The following UNC13C variants were observed in gnomAD, a reference collection of about 807,000 sequenced individuals.
UNC13C encodes unc-13 homolog C.
In UNC13C, 174 loss-of-function variants were observed where a neutral mutation model predicts 245.4. That is an observed-to-expected ratio of 0.71 (90% confidence interval 0.63 to 0.80). UNC13C has a LOEUF of 0.80. Among genes scored for constraint, UNC13C ranks in the 30% least tolerant of loss-of-function variants. UNC13C has a pLI of 0.00. For synonymous variants in UNC13C, 992 were observed against 895.1 expected (o/e 1.11, Z -1.93); for missense variants, 2,829 against 2,602.9 (o/e 1.09, Z -1.89).
chr15:54,418,019 A>T (rs1263801520), intron 19 of UNC13C, among the ~76,000 whole-genome samples: 1 of 151,982 alleles, frequency 6.6e-6, no homozygotes, highest in Non-Finnish European at 1.5e-5. Context: ...CGACTCCCTG[A>T]TTCAAGCCAT....
chr15:54,556,646 C>T (rs2141199515), intron 29 of UNC13C, among the ~76,000 whole-genome samples: 1 of 152,020 alleles, frequency 6.6e-6, no homozygotes, highest in South Asian at 2.1e-4. Flanking sequence ...CAATAAAAAA[C>T]TTTAAAAGTT....
chr15:54,113,070 T>C (rs1460435637), intron 2 of UNC13C, among the ~76,000 whole-genome samples: 5 of 146,424 alleles, frequency 3.4e-5, no homozygotes, highest in Middle Eastern at 3.3e-3. Context: ...TTTTACTCTT[T>C]ATCATGTTAG....
intron 25 of UNC13C, among the ~76,000 whole-genome samples, chr15:54,526,273 A>G (rs557915622): frequency 6.6e-6 from 1 of 152,354 alleles, no homozygotes; most frequent in East Asian, 1.9e-4. Context: ...ATTTCACTTC[A>G]GTTCTGTAGG....
chr15:54,283,708 ATATGTGTG>A (rs1348219171), intron 10 of UNC13C, among the ~76,000 whole-genome samples: 1 of 68,700 alleles, frequency 1.5e-5, no homozygotes, highest in African/African-American at 5.1e-5. Flanking sequence ...GTGTATATAT[ATATGTGTG>A]TGTGTGTGTG....
At chr15:54,448,450 G>T (rs1430720053) in intron 19 of UNC13C, among the ~76,000 whole-genome samples, 3 of 152,140 alleles carry the variant, frequency 2.0e-5, no homozygotes, top group Admixed American at 6.5e-5. Flanking sequence ...TTATGAATCT[G>T]GGTGCTCCTG....
chr15:54,153,945 G>T (rs1339613805), intron 4 of UNC13C, among the ~76,000 whole-genome samples: 1 of 151,814 alleles, frequency 6.6e-6, no homozygotes, highest in Non-Finnish European at 1.5e-5. Context: ...ATATTTTAGG[G>T]GTACCTGTGG....
chr15:54,494,519 T>G (rs1208470153), intron 19 of UNC13C, 89 bp from the exon 20 acceptor site: 1 of 1,274,246 alleles, frequency 7.8e-7, no homozygotes, highest in Admixed American at 3.3e-5. Context: ...TTCTTCCTTT[T>G]AGAAATTCTA....
the UNC13C span, among the ~76,000 whole-genome samples, chr15:53,852,790 C>A: frequency 1.3e-5 from 2 of 152,006 alleles, no homozygotes; most frequent in Non-Finnish European, 2.9e-5. Flanking sequence ...TTTTAGTTTT[C>A]TAATTATGGC....
chr15:54,025,663 G>A (rs888161431), intron 2 of UNC13C, among the ~76,000 whole-genome samples: 5 of 152,156 alleles, frequency 3.3e-5, no homozygotes, highest in African/African-American at 1.2e-4. Flanking sequence ...TATATAAGAT[G>A]AGAAACTGAG....
intron 18 of UNC13C, among the ~76,000 whole-genome samples, chr15:54,399,538 T>C (rs998343483): frequency 1.3e-5 from 2 of 151,882 alleles, no homozygotes; most frequent in Non-Finnish European, 2.9e-5. Flanking sequence ...CATTGTACTA[T>C]AACATGTAAT....
the UNC13C span, among the ~76,000 whole-genome samples, chr15:53,842,499 C>T: frequency 5.3e-5 from 8 of 152,182 alleles, no homozygotes; most frequent in Middle Eastern, 3.4e-3. Context: ...CTTCTGGGCA[C>T]AATAAATGGT....
At chr15:53,874,549 G>A in the UNC13C span, among the ~76,000 whole-genome samples, 3 of 152,076 alleles carry the variant, frequency 2.0e-5, no homozygotes, top group African/African-American at 4.8e-5. Flanking sequence ...TTCATTATGC[G>A]GGTGAGAGAT....
At chr15:53,952,040 C>G in the UNC13C span, among the ~76,000 whole-genome samples, 31 of 152,098 alleles carry the variant, frequency 2.0e-4, no homozygotes, top group African/African-American at 6.3e-4. Context: ...GTTTATGTAT[C>G]AGCAATAGGA....
rs73407714 is a variant in UNC13C, at chr15:54,177,996, A to T, written c.3071+34312A>T. Among the ~76,000 whole-genome samples, 605 of 152,214 alleles carry T rather than the reference A, an allele frequency of 4.0e-3. 3 individuals carry two copies. Among genetic ancestry groups the T allele is most frequent in the African/African-American group, 0.014 (572 of 41,548 alleles). ...GAATTTATTACTCAGAATTTTTAAA[A>T]TGTGCATTTTTATTGATTTTTTATA... On this transcript the variant is annotated intron_variant, in intron 4 of 32. Coordinates refer to ENST00000260323, the MANE Select transcript of UNC13C (RefSeq NM_001080534.3).
chr15:54,146,891 G>A (rs1394882191), intron 4 of UNC13C, among the ~76,000 whole-genome samples: 4 of 152,158 alleles, frequency 2.6e-5, no homozygotes, highest in Non-Finnish European at 4.4e-5. Context: ...GGAGCAGGAA[G>A]GTGAATTGAG....
At chr15:54,218,816 G>A (rs2035125513) in intron 4 of UNC13C, among the ~76,000 whole-genome samples, 1 of 151,770 alleles carries the variant, frequency 6.6e-6, no homozygotes, top group African/African-American at 2.4e-5. Context: ...GGGGACAGAT[G>A]GCAAAACATC....
At chr15:54,031,057 C>T (rs554954540) in intron 2 of UNC13C, among the ~76,000 whole-genome samples, 7 of 152,210 alleles carry the variant, frequency 4.6e-5, no homozygotes, top group African/African-American at 1.7e-4. Context: ...TATCTAGTAG[C>T]TCATTGGTCT....
At chr15:53,975,598 A>G (rs1172575318), upstream of UNC13C, among the ~76,000 whole-genome samples, 1 of 152,238 alleles carries the variant, frequency 6.6e-6, no homozygotes, top group Non-Finnish European at 1.5e-5. Flanking sequence ...CCAGATATAC[A>G]GGCCATGACA....
intron 18 of UNC13C, among the ~76,000 whole-genome samples, chr15:54,402,371 T>A (rs999523344): frequency 2.0e-5 from 3 of 152,188 alleles, no homozygotes; most frequent in Admixed American, 2.0e-4. Flanking sequence ...CTTTTCTAAG[T>A]GCATAAGGGT....
Sources: gnomAD v4.1 joint callset for allele counts (sites outside exome capture counted in the v4.1 genomes callset) on GRCh38, gnomAD v4.1.1 for gene constraint, MANE v1.5 for transcripts, NCBI Gene and HGNC (gene_info 2026-07-23, HGNC 2026-07-21) for gene names.